Variants in HEMK2 observed in about 807,000 individuals in gnomAD.
HEMK2 encodes HemK methyltransferase 2, ETF1 glutamine and histone H4 lysine, also known as methyltransferase HEMK2.
At chr21:28,742,866 G>C in the HEMK2 span, among the ~76,000 whole-genome samples, 8 of 152,174 alleles carry the variant, frequency 5.3e-5, no homozygotes, top group Non-Finnish European at 5.9e-5. Flanking sequence ...AACAGTATAA[G>C]AAGGCTTTAG....
the HEMK2 span, chr21:28,876,380 G>A: frequency 6.3e-7 from 1 of 1,586,296 alleles, no homozygotes; most frequent in Non-Finnish European, 8.6e-7. Context: ...GGCACACACT[G>A]TATGCTAAGA....
the HEMK2 span, among the ~76,000 whole-genome samples, chr21:28,599,882 A>C: frequency 6.6e-6 from 1 of 152,234 alleles, no homozygotes; most frequent in South Asian, 2.1e-4. Context: ...AATCTAGCAA[A>C]GCAGTCAAAT....
the HEMK2 span, among the ~76,000 whole-genome samples, chr21:28,584,784 C>T: frequency 1.3e-5 from 2 of 151,766 alleles, no homozygotes; most frequent in Non-Finnish European, 1.5e-5. Context: ...TGCACTATAA[C>T]GGAGAGGGTG....
At chr21:28,602,124 G>A in the HEMK2 span, among the ~76,000 whole-genome samples, 92,670 of 151,538 alleles carry the variant, frequency 0.61, 28,717 homozygotes, top group East Asian at 0.81. Flanking sequence ...CTATGAAGGA[G>A]AAAAGGACTA....
chr21:28,719,798 C>T, the HEMK2 span, among the ~76,000 whole-genome samples: 3 of 152,206 alleles, frequency 2.0e-5, no homozygotes, highest in African/African-American at 4.8e-5. Flanking sequence ...CGAAAAGCAA[C>T]TCAGCTTATT....
the HEMK2 span, among the ~76,000 whole-genome samples, chr21:28,612,890 C>T: frequency 6.6e-5 from 10 of 152,046 alleles, no homozygotes; most frequent in Non-Finnish European, 1.3e-4. Context: ...AAGTGAAAGA[C>T]GTCTACAGGG....
At chr21:28,759,493 T>C in the HEMK2 span, among the ~76,000 whole-genome samples, 1 of 152,178 alleles carries the variant, frequency 6.6e-6, no homozygotes, top group Non-Finnish European at 1.5e-5. Context: ...CTTTGGACTG[T>C]GGACTTTTGA....
the HEMK2 span, among the ~76,000 whole-genome samples, chr21:28,715,991 T>C: frequency 6.6e-6 from 1 of 152,222 alleles, no homozygotes; most frequent in Non-Finnish European, 1.5e-5. Flanking sequence ...TTCTGTTCTA[T>C]TGATCTATGT....
the HEMK2 span, among the ~76,000 whole-genome samples, chr21:28,724,455 T>C: frequency 6.6e-6 from 1 of 152,258 alleles, no homozygotes; most frequent in Admixed American, 6.5e-5. Flanking sequence ...GCATGAGCTG[T>C]AATGAAAGCT....
chr21:28,584,385 T>A, the HEMK2 span, among the ~76,000 whole-genome samples: 1 of 152,226 alleles, frequency 6.6e-6, no homozygotes, highest in Non-Finnish European at 1.5e-5. Flanking sequence ...AGGACAGTTA[T>A]AGTTCTGCTC....
the HEMK2 span, chr21:28,874,559 G>A: frequency 0.49 from 73,963 of 152,150 alleles, 20,371 homozygotes; most frequent in Non-Finnish European, 0.62. Flanking sequence ...CTCTATTCTT[G>A]TCACCATGGC....
the HEMK2 span, among the ~76,000 whole-genome samples, chr21:28,603,572 T>TGTGTGTGC: frequency 6.6e-6 from 1 of 151,092 alleles, no homozygotes; most frequent in East Asian, 1.9e-4. Context: ...TGTGTGTGTG[T>TGTGTGTGC]GTGTGTGTGT....
the HEMK2 span, among the ~76,000 whole-genome samples, chr21:28,799,257 T>A: frequency 3.3e-5 from 5 of 152,296 alleles, no homozygotes; most frequent in South Asian, 8.3e-4. Flanking sequence ...GTGAAAGGCA[T>A]GTCTCACATG....
the HEMK2 span, among the ~76,000 whole-genome samples, chr21:28,730,384 AC>A: frequency 1.7e-4 from 1 of 5,838 alleles, no homozygotes; most frequent in Non-Finnish European, 5.7e-4. Context: ...ACACACACAG[AC>A]ACACACACAC....
chr21:28,639,539 A>C, the HEMK2 span, among the ~76,000 whole-genome samples: 3 of 152,356 alleles, frequency 2.0e-5, no homozygotes, highest in Non-Finnish European at 4.4e-5. Flanking sequence ...AGTGATACAG[A>C]ACACAGAAGG....
chr21:28,855,834 T>C, the HEMK2 span, among the ~76,000 whole-genome samples: 1 of 152,002 alleles, frequency 6.6e-6, no homozygotes, highest in African/African-American at 2.4e-5. Flanking sequence ...AAACATACAA[T>C]ATAGCAGAAT....
the HEMK2 span, among the ~76,000 whole-genome samples, chr21:28,861,597 A>G: frequency 1.3e-5 from 2 of 152,198 alleles, no homozygotes; most frequent in Admixed American, 1.3e-4. Flanking sequence ...AGGAGACGTC[A>G]TGGTCATGGA....
chr21:28,873,530 AC>A, the HEMK2 span: 1 of 152,178 alleles, frequency 6.6e-6, no homozygotes, highest in African/African-American at 2.4e-5. Flanking sequence ...GGTGACCCAA[AC>A]CTTCATTCCT....
the HEMK2 span, among the ~76,000 whole-genome samples, chr21:28,609,052 C>A: frequency 7.5e-4 from 114 of 152,324 alleles, 4 homozygotes; most frequent in East Asian, 0.019. Flanking sequence ...TCCTCTACTA[C>A]CACAGCTGAT....
Sources: gnomAD v4.1 joint callset for allele counts (sites outside exome capture counted in the v4.1 genomes callset) on GRCh38, gnomAD v4.1.1 for gene constraint, MANE v1.5 for transcripts, NCBI Gene and HGNC (gene_info 2026-07-23, HGNC 2026-07-21) for gene names.